The following RBMS3 variants were observed in gnomAD, a reference collection of about 807,000 sequenced individuals.
RBMS3 encodes RNA binding motif single stranded interacting protein 3.
Under a neutral mutation model 66.8 loss-of-function variants are expected in RBMS3, and 27 were observed. That is an observed-to-expected ratio of 0.40 (90% CI 0.30 to 0.56). The LOEUF is 0.56. RBMS3 is among the 20% of genes least tolerant of loss of function. The pLI is 0.40. For synonymous variants in RBMS3, 188 were observed against 183.0 expected (o/e 1.03, Z -0.22); for missense variants, 513 against 549.5 (o/e 0.93, Z 0.66).
intron 4 of RBMS3, among the ~76,000 whole-genome samples, chr3:29,594,859 C>T (rs985859828): frequency 4.6e-5 from 7 of 152,122 alleles, no homozygotes; most frequent in African/African-American, 1.7e-4. Context: ...TTTGTATTAG[C>T]TTATATCGAA....
intron 2 of RBMS3, among the ~76,000 whole-genome samples, chr3:29,484,467 G>T (rs1035550343): frequency 6.6e-6 from 1 of 152,018 alleles, no homozygotes; most frequent in Non-Finnish European, 1.5e-5. Context: ...TATTGGATTC[G>T]GGCCTATCGT....
chr3:29,398,816 A>C (rs140962080), intron 1 of RBMS3, among the ~76,000 whole-genome samples: 1 of 143,570 alleles, frequency 7.0e-6, no homozygotes, highest in African/African-American at 2.6e-5. Flanking sequence ...CTATTTTTAT[A>C]GTGGATCTAC....
chr3:29,459,817 C>T (rs1295970658), intron 2 of RBMS3, among the ~76,000 whole-genome samples: 1 of 152,130 alleles, frequency 6.6e-6, no homozygotes. Context: ...AATTTAGAGC[C>T]GCAATTTGCT....
intron 1 of RBMS3, among the ~76,000 whole-genome samples, chr3:29,313,871 A>G (rs1356695055): frequency 2.0e-5 from 3 of 151,674 alleles, no homozygotes; most frequent in Non-Finnish European, 3.0e-5. Context: ...TCCCTCCCAG[A>G]GTTTAGCAGT....
Position 29,830,947 on chromosome 3 carries a change from A to G in RBMS3, c.638-37911A>G, listed in dbSNP as rs141408065. Among the ~76,000 whole-genome samples the G allele has an allele frequency of 2.5e-3, 384 of 152,250 alleles. 1 individual carries two copies. The highest frequency in any genetic ancestry group is 9.0e-3 in the African/African-American group (376 of 41,554). On this transcript the variant is annotated intron_variant, in intron 6 of 14. Coordinates refer to ENST00000383767, the MANE Select transcript of RBMS3 (RefSeq NM_001003793.3). ...ATTCCAGATTTCTGTGTCCTTCCTT[A>G]AAGAAGGGATATACAGAGGTGCTAA...
chr3:29,290,171 A>G (rs2032701443), intron 1 of RBMS3, among the ~76,000 whole-genome samples: 1 of 151,860 alleles, frequency 6.6e-6, no homozygotes, highest in Non-Finnish European at 1.5e-5. Flanking sequence ...ACACTTGTCA[A>G]TCATATAAAT....
chr3:29,750,920 A>G (rs1297642996), intron 5 of RBMS3, among the ~76,000 whole-genome samples: 2 of 152,224 alleles, frequency 1.3e-5, no homozygotes, highest in African/African-American at 2.4e-5. Flanking sequence ...GGAAATATGT[A>G]AAGTATTAAG....
chr3:29,393,212 C>A (rs570713165), intron 1 of RBMS3, among the ~76,000 whole-genome samples: 1 of 152,164 alleles, frequency 6.6e-6, no homozygotes, highest in African/African-American at 2.4e-5. Context: ...ATTCTGTGAC[C>A]CAGAAACTAT....
chr3:29,805,698 A>C (rs1372517313), intron 6 of RBMS3, among the ~76,000 whole-genome samples: 2 of 152,044 alleles, frequency 1.3e-5, no homozygotes, highest in African/African-American at 4.8e-5. Context: ...ATATTAAGAA[A>C]ATTTTTTTGT....
intron 4 of RBMS3, among the ~76,000 whole-genome samples, chr3:29,737,096 C>G (rs1316018970): frequency 6.6e-6 from 1 of 152,046 alleles, no homozygotes; most frequent in East Asian, 1.9e-4. Flanking sequence ...CCTGCCTCAG[C>G]CTCCCGAGTA....
chr3:29,342,043 G>A (rs181561975), intron 1 of RBMS3, among the ~76,000 whole-genome samples: 6 of 152,204 alleles, frequency 3.9e-5, no homozygotes, highest in East Asian at 1.9e-4. Context: ...AGATACAGTT[G>A]GAGTAGCTGG....
At chr3:29,503,255 G>T (rs1451624677) in intron 3 of RBMS3, among the ~76,000 whole-genome samples, 1 of 151,916 alleles carries the variant, frequency 6.6e-6, no homozygotes, top group Non-Finnish European at 1.5e-5. Flanking sequence ...TTGAAATCTG[G>T]TTTTTCTCAG....
At chr3:29,804,864 C>T (rs1167233962) in intron 6 of RBMS3, among the ~76,000 whole-genome samples, 1 of 151,496 alleles carries the variant, frequency 6.6e-6, no homozygotes, top group East Asian at 1.9e-4. Flanking sequence ...ACGGTTTAAT[C>T]AATAACACAG....
At chr3:29,989,190 T>TAATGGAAGCTTTGCTGCTTTCA (rs1559867461) in intron 13 of RBMS3, among the ~76,000 whole-genome samples, 1 of 152,200 alleles carries the variant, frequency 6.6e-6, no homozygotes, top group Non-Finnish European at 1.5e-5. Flanking sequence ...AGCTTGTCCT[T>TAATGGAAGCTTTGCTGCTTTCA]AATGGAAGCT....
At chr3:29,605,997 A>C (rs2149125547) in intron 4 of RBMS3, among the ~76,000 whole-genome samples, 1 of 149,806 alleles carries the variant, frequency 6.7e-6, no homozygotes, top group African/African-American at 2.5e-5. Context: ...ACTCCTTGGA[A>C]GTGTATATAT....
At chr3:29,524,546 G>T (rs1274589293) in intron 3 of RBMS3, among the ~76,000 whole-genome samples, 8 of 146,904 alleles carry the variant, frequency 5.4e-5, no homozygotes, top group Non-Finnish European at 1.2e-4. Flanking sequence ...TCCTGCCTCA[G>T]CCTCCTGAAT....
intron 4 of RBMS3, among the ~76,000 whole-genome samples, chr3:29,598,157 A>G (rs1272426477): frequency 6.6e-6 from 1 of 152,162 alleles, no homozygotes; most frequent in Non-Finnish European, 1.5e-5. Flanking sequence ...CATTAATGTA[A>G]GAAATGTCAC....
intron 6 of RBMS3, among the ~76,000 whole-genome samples, chr3:29,812,322 G>A (rs778340572): frequency 5.3e-5 from 8 of 152,192 alleles, no homozygotes; most frequent in African/African-American, 1.4e-4. Context: ...GCTACAAATC[G>A]TTCCCCTCCC....
intron 6 of RBMS3, among the ~76,000 whole-genome samples, chr3:29,864,978 GAGGGAGGAAGGAAGGA>G (rs1336381361): frequency 3.3e-5 from 4 of 120,884 alleles, no homozygotes; most frequent in Non-Finnish European, 6.9e-5. Context: ...GGAAGGGAGG[GAGGGAGGAAGGAAGGA>G]AGGGAAGGGA....
Sources: gnomAD v4.1 joint callset for allele counts (sites outside exome capture counted in the v4.1 genomes callset) on GRCh38, gnomAD v4.1.1 for gene constraint, MANE v1.5 for transcripts, NCBI Gene and HGNC (gene_info 2026-07-23, HGNC 2026-07-21) for gene names.